MAGI3: variants seen among roughly 807,000 people sequenced by gnomAD.
The protein encoded by MAGI3 is membrane-associated guanylate kinase, WW and PDZ domain-containing protein 3.
In MAGI3, 43 loss-of-function variants were observed where a neutral mutation model predicts 121.8. The ratio of observed to expected loss-of-function variants is 0.35; its 90% CI spans 0.28 to 0.46. The LOEUF (loss-of-function observed/expected upper bound fraction) is 0.46. MAGI3 is among the 20% of genes least tolerant of loss of function. MAGI3 has a pLI of 1.00. For missense variants in MAGI3, 1,547 were observed against 1,797.3 expected, an observed-to-expected ratio of 0.86 and a Z score of 2.52; for synonymous variants, 553 against 639.3, an observed-to-expected ratio of 0.86 and a Z score of 2.04.
At chr1:113,623,677 C>T (rs897430534) in intron 9 of MAGI3, among the ~76,000 whole-genome samples, 2 of 151,916 alleles carry the variant, frequency 1.3e-5, no homozygotes, top group African/African-American at 4.8e-5. Flanking sequence ...TTAGTAGAGA[C>T]GAGGTTTCAC....
intron 1 of MAGI3, among the ~76,000 whole-genome samples, chr1:113,484,322 G>T (rs1656246962): frequency 1.3e-5 from 2 of 152,056 alleles, no homozygotes; most frequent in African/African-American, 4.8e-5. Context: ...CTTTAGTGGT[G>T]ATTTCTGAGA....
intron 1 of MAGI3, among the ~76,000 whole-genome samples, chr1:113,542,742 C>T (rs899043666): frequency 1.3e-5 from 2 of 152,190 alleles, no homozygotes; most frequent in Admixed American, 6.5e-5. Context: ...ATGTCTCTTA[C>T]ACACACAGGT....
At chr1:113,610,661 G>T (rs1650066837) in intron 6 of MAGI3, among the ~76,000 whole-genome samples, 1 of 152,102 alleles carries the variant, frequency 6.6e-6, no homozygotes, top group African/African-American at 2.4e-5. Context: ...CTCTGTTGCA[G>T]TTAACTACCA....
At chr1:113,416,157 C>T (rs1652326612) in intron 1 of MAGI3, among the ~76,000 whole-genome samples, 1 of 110,892 alleles carries the variant, frequency 9.0e-6, no homozygotes, top group African/African-American at 3.0e-5. Flanking sequence ...ATTAATGACA[C>T]ATATTATTAT....
intron 1 of MAGI3, among the ~76,000 whole-genome samples, chr1:113,491,532 G>T (rs529053900): frequency 6.6e-6 from 1 of 151,972 alleles, no homozygotes; most frequent in Non-Finnish European, 1.5e-5. Flanking sequence ...AAATTAGAGC[G>T]AACTGAAGGA....
At chr1:113,463,512 A>G (rs1383494320) in intron 1 of MAGI3, among the ~76,000 whole-genome samples, 1 of 152,036 alleles carries the variant, frequency 6.6e-6, no homozygotes, top group East Asian at 1.9e-4. Context: ...AAGGTCAGAG[A>G]AGTTTGATCA....
At chr1:113,450,519 G>T in intron 1 of MAGI3, 1 of 1,011,972 alleles carries the variant, frequency 9.9e-7, no homozygotes, top group Non-Finnish European at 1.6e-6. Context: ...GGTGGTGGAG[G>T]ATATGATGGT....
intron 12 of MAGI3, among the ~76,000 whole-genome samples, chr1:113,647,363 A>G (rs951924315): frequency 2.0e-5 from 3 of 152,228 alleles, no homozygotes; most frequent in African/African-American, 7.2e-5. Context: ...TAAGGAAGGC[A>G]TAGTTTTGTG....
At chr1:113,674,328 G>A (rs1254735971) in intron 19 of MAGI3, among the ~76,000 whole-genome samples, 4 of 149,970 alleles carry the variant, frequency 2.7e-5, no homozygotes, top group African/African-American at 4.9e-5. Context: ...GGAGGCAGAG[G>A]TCGGAGTGTG....
intron 15 of MAGI3, among the ~76,000 whole-genome samples, chr1:113,655,928 T>C (rs1653442562): frequency 6.6e-6 from 1 of 152,176 alleles, no homozygotes; most frequent in Non-Finnish European, 1.5e-5. Flanking sequence ...ATTTAGAAAA[T>C]TGTCACCGTC....
At chr1:113,516,390 C>CAAAAAAAAAAAAAAAAAAAAAAAA in intron 1 of MAGI3, among the ~76,000 whole-genome samples, 1 of 70,996 alleles carries the variant, frequency 1.4e-5, no homozygotes, top group Non-Finnish European at 2.5e-5. Flanking sequence ...GAAGTTCTCA[C>CAAAAAAAAAAAAAAAAAAAAAAAA]AAAAAAAAAA....
chr1:113,642,237 A>G lies in MAGI3; in HGVS notation c.1687A>G (p.Arg563Gly), dbSNP rs1005532490. The stretch of plus-strand genomic sequence containing the variant: ...TGGACCATCAGATGCAAGTGAGCAG[A>G]GAGTATCCATGGCATCGTCAGGCAG... ...LNGPSDASEQRVSMASSGSSQ... is the reference protein window; with the variant it reads ...LNGPSDASEQGVSMASSGSSQ... The change falls in exon 10 of 21, where the codon AGA becomes GGA. Residue 563 changes from arginine to glycine, a missense_variant. Physicochemically the swap from Arg to Gly is moderately radical, Grantham distance 125. Coordinates refer to ENST00000307546, the MANE Select transcript of MAGI3 (RefSeq NM_001142782.2). 4 of 1,614,158 alleles carry G rather than the reference A, an allele frequency of 2.5e-6. No homozygotes were observed. Among genetic ancestry groups the G allele is most frequent in the East Asian group, 2.2e-5 (1 of 44,882 alleles).
chr1:113,621,826 T>A (rs1290519241), intron 8 of MAGI3, among the ~76,000 whole-genome samples: 1 of 151,810 alleles, frequency 6.6e-6, no homozygotes. Context: ...TCAAAAACAC[T>A]GTCAAGTGAA....
intron 1 of MAGI3, among the ~76,000 whole-genome samples, chr1:113,536,653 A>G (rs891737750): frequency 6.6e-6 from 1 of 152,104 alleles, no homozygotes; most frequent in Admixed American, 6.6e-5. Flanking sequence ...AGTTGTGTCA[A>G]ATTATCTCTT....
intron 9 of MAGI3, among the ~76,000 whole-genome samples, chr1:113,633,035 T>C (rs997311879): frequency 5.6e-5 from 8 of 142,556 alleles, no homozygotes; most frequent in Non-Finnish European, 1.2e-4. Context: ...GTATATCTCC[T>C]AATGCTATCC....
At chr1:113,592,439 T>C (rs1480633128) in intron 5 of MAGI3, among the ~76,000 whole-genome samples, 1 of 152,160 alleles carries the variant, frequency 6.6e-6, no homozygotes, top group African/African-American at 2.4e-5. Context: ...GCAATAAAAT[T>C]TTGGATCATG....
chr1:113,456,117 A>ATT (rs35038942), intron 1 of MAGI3, among the ~76,000 whole-genome samples: 3,635 of 113,156 alleles, frequency 0.032, 114 homozygotes, highest in Non-Finnish European at 0.048. Flanking sequence ...CGCCCGGCTA[A>ATT]TTTTTTTTTT....
chr1:113,508,431 C>T (rs1361503593), intron 1 of MAGI3, among the ~76,000 whole-genome samples: 1 of 152,136 alleles, frequency 6.6e-6, no homozygotes, highest in African/African-American at 2.4e-5. Context: ...CCACTGTTTT[C>T]CTCATGGGCT....
intron 9 of MAGI3, among the ~76,000 whole-genome samples, chr1:113,633,892 C>T (rs1651828114): frequency 6.6e-6 from 1 of 152,182 alleles, no homozygotes; most frequent in Admixed American, 6.5e-5. Context: ...TCCTCTCCAG[C>T]ACCTGTTGTT....
Sources: allele counts gnomAD v4.1 joint callset (sites outside exome capture counted in the v4.1 genomes callset), GRCh38; gene constraint gnomAD v4.1.1; transcripts MANE v1.5; gene names NCBI Gene and HGNC (gene_info 2026-07-23, HGNC 2026-07-21).